Variants in STK33 observed in about 807,000 individuals in gnomAD.
STK33 encodes serine/threonine-protein kinase 33.
Under a neutral mutation model 58.0 loss-of-function variants are expected in STK33, and 52 were observed. The ratio of observed to expected loss-of-function variants is 0.90; its 90% CI spans 0.72 to 1.13. The LOEUF (loss-of-function observed/expected upper bound fraction) is 1.13, where lower values mean the gene tolerates loss of function less well. Ranked by LOEUF, STK33 falls within the 50% of genes most tolerant of loss-of-function variation. The probability of loss-of-function intolerance (pLI) is 0.00; values close to 1 mark genes in which losing one functional copy is unlikely to be tolerated. For synonymous variants in STK33, 215 were observed against 200.1 expected (o/e 1.07, Z -0.63); for missense variants, 630 against 604.2 (o/e 1.04, Z -0.45).
At chr11:8,562,613 A>G (rs956980580) in intron 1 of STK33, among the ~76,000 whole-genome samples, 1 of 149,770 alleles carries the variant, frequency 6.7e-6, no homozygotes, top group Non-Finnish European at 1.5e-5. Flanking sequence ...AGTTTCACAG[A>G]TTTTTTTTTT....
At chr11:8,575,430 G>A (rs555885996) in intron 1 of STK33, among the ~76,000 whole-genome samples, 238 of 152,204 alleles carry the variant, frequency 1.6e-3, no homozygotes, top group African/African-American at 5.1e-3. Flanking sequence ...CCACAAAAGG[G>A]AACAAGCTCT....
intron 1 of STK33, among the ~76,000 whole-genome samples, chr11:8,489,250 C>G (rs1373560243): frequency 2.7e-5 from 2 of 73,982 alleles, no homozygotes; most frequent in African/African-American, 9.8e-5. Flanking sequence ...AAGCAAGAAG[C>G]TATCTCCAAA....
intron 14 of STK33, among the ~76,000 whole-genome samples, chr11:8,425,628 C>G (rs879814604): frequency 2.6e-5 from 4 of 152,182 alleles, no homozygotes; most frequent in Non-Finnish European, 5.9e-5. Flanking sequence ...TTTTGTGTTT[C>G]AATATTTCCA....
chr11:8,562,086 A>G (rs1957151157), intron 1 of STK33, among the ~76,000 whole-genome samples: 1 of 152,148 alleles, frequency 6.6e-6, no homozygotes, highest in African/African-American at 2.4e-5. Flanking sequence ...TTCCCCTTCA[A>G]TTTCTTTAAG....
At chr11:8,430,644 C>T (rs1275475882) in intron 14 of STK33, among the ~76,000 whole-genome samples, 2 of 152,176 alleles carry the variant, frequency 1.3e-5, no homozygotes, top group African/African-American at 2.4e-5. Flanking sequence ...AGTACATTTA[C>T]ATCCTTGTTG....
At chr11:8,345,933 T>C in the STK33 span, among the ~76,000 whole-genome samples, 1 of 152,162 alleles carries the variant, frequency 6.6e-6, no homozygotes, top group East Asian at 1.9e-4. Context: ...ACGTACCGAG[T>C]GGCAACCGTG....
chr11:8,412,029 C>A (rs573482457), intron 15 of STK33, among the ~76,000 whole-genome samples: 2 of 151,970 alleles, frequency 1.3e-5, no homozygotes, highest in Non-Finnish European at 2.9e-5. Flanking sequence ...ACATTTGGTT[C>A]GCAAGCATAT....
intron 1 of STK33, among the ~76,000 whole-genome samples, chr11:8,587,234 T>G (rs1158524762): frequency 6.6e-6 from 1 of 152,186 alleles, no homozygotes; most frequent in Non-Finnish European, 1.5e-5. Flanking sequence ...TTATACAAAT[T>G]TATTAGAAAA....
At chr11:8,448,900 T>C (rs1270982662) in intron 11 of STK33, among the ~76,000 whole-genome samples, 4 of 148,136 alleles carry the variant, frequency 2.7e-5, no homozygotes, top group Non-Finnish European at 4.4e-5. Flanking sequence ...AAAGGGCTAA[T>C]ATCCAGAATC....
At position 8,462,027 on chromosome 11, in the gene STK33, T is replaced by C. The variant is rs1321134099; in HGVS notation, c.454-118A>G. 1.9e-5 allele frequency: 12 copies of C among 642,050 alleles called. No individual in the cohort carries two copies. The Middle Eastern group carries it at 1.3e-3, about 69-fold the overall frequency. 39.8% of individuals were successfully genotyped at this position (642,050 alleles called of 1,614,324 possible). A position where few individuals can be genotyped will look rare whatever the true frequency, so the allele number is the denominator to read the frequency against. On this transcript the variant is annotated intron_variant, in intron 7 of 15. Coordinates refer to ENST00000687296, the MANE Select transcript of STK33 (RefSeq NM_001352389.2). ...CCTGTAACTTCATATTTGAAGTGAA[T>C]TCATACATTTTTTGAGATGTTTCTT...
At chr11:8,563,603 T>C (rs1412136329) in intron 1 of STK33, among the ~76,000 whole-genome samples, 2 of 152,174 alleles carry the variant, frequency 1.3e-5, no homozygotes, top group African/African-American at 2.4e-5. Flanking sequence ...ATTGTACTTT[T>C]CGGATTTCAA....
the STK33 span, among the ~76,000 whole-genome samples, chr11:8,347,258 T>G: frequency 3.9e-5 from 6 of 152,224 alleles, no homozygotes; most frequent in Non-Finnish European, 8.8e-5. Flanking sequence ...GGCCTACTGC[T>G]GCCTTTTGGG....
At chr11:8,560,423 G>C (rs1957042602) in intron 1 of STK33, among the ~76,000 whole-genome samples, 1 of 150,094 alleles carries the variant, frequency 6.7e-6, no homozygotes, top group African/African-American at 2.5e-5. Flanking sequence ...TCTTTTTCTT[G>C]TTGACTTATC....
At position 8,582,275 on chromosome 11, in the gene STK33, G is replaced by A. The variant is rs146531223; in HGVS notation, c.-466+11808C>T. Among the ~76,000 whole-genome samples, 194 of 152,164 alleles carry A rather than the reference G, an allele frequency of 1.3e-3. 1 individual carries two copies. The highest frequency in any genetic ancestry group is 2.9e-3 in the South Asian group (14 of 4,814). On this transcript the variant is annotated intron_variant, in intron 1 of 15. Transcript: ENST00000687296. The stretch of plus-strand genomic sequence containing the variant: ...ATAGCTTGATATTTTTTAACAACAG[G>A]AACTAAGGACAAAACTAAAAAGTGT...
At chr11:8,349,505 AC>A in the STK33 span, among the ~76,000 whole-genome samples, 1 of 152,030 alleles carries the variant, frequency 6.6e-6, no homozygotes, top group Non-Finnish European at 1.5e-5. Context: ...CTGCCCCAGT[AC>A]CCTCATGTCC....
intron 1 of STK33, among the ~76,000 whole-genome samples, chr11:8,507,240 A>G (rs1385091302): frequency 6.6e-6 from 1 of 152,158 alleles, no homozygotes; most frequent in Non-Finnish European, 1.5e-5. Context: ...ACTGCTCTTG[A>G]TAAGTGCTGT....
At chr11:8,349,084 C>G in the STK33 span, among the ~76,000 whole-genome samples, 2 of 152,134 alleles carry the variant, frequency 1.3e-5, no homozygotes, top group African/African-American at 4.8e-5. Context: ...TGCCTCCCAC[C>G]GCCAGCTCCC....
intron 1 of STK33, among the ~76,000 whole-genome samples, chr11:8,556,753 G>A (rs139677415): frequency 2.0e-5 from 3 of 152,064 alleles, no homozygotes; most frequent in African/African-American, 7.2e-5. Context: ...GACTGTGAGG[G>A]GAAAGACTGT....
chr11:8,462,591 AAGAG>A (rs1057192254), intron 7 of STK33, among the ~76,000 whole-genome samples: 1 of 151,656 alleles, frequency 6.6e-6, no homozygotes, highest in African/African-American at 2.4e-5. Flanking sequence ...GAGAGACGGA[AAGAG>A]AGAGAGACAG....
Sources: gnomAD v4.1 joint callset for allele counts (sites outside exome capture counted in the v4.1 genomes callset) on GRCh38, gnomAD v4.1.1 for gene constraint, MANE v1.5 for transcripts, NCBI Gene and HGNC (gene_info 2026-07-23, HGNC 2026-07-21) for gene names.